SEPTIN8: variants seen among roughly 807,000 people sequenced by gnomAD.
The protein encoded by SEPTIN8 is septin 8.
Under a neutral mutation model 53.1 loss-of-function variants are expected in SEPTIN8, and 22 were observed. The observed-to-expected ratio is 0.41, with a 90% CI of 0.30 to 0.59. The LOEUF is 0.59. Among genes scored for constraint, SEPTIN8 ranks in the 20% least tolerant of loss-of-function variants. SEPTIN8 has a pLI of 0.24. For synonymous variants in SEPTIN8, 228 were observed against 248.4 expected (o/e 0.92, Z 0.77); for missense variants, 536 against 638.7 (o/e 0.84, Z 1.73).
Position 132,761,575 on chromosome 5 carries a change from C to T in SEPTIN8, c.845G>A (p.Arg282Gln), listed in dbSNP as rs538844311. Residue 282 changes from arginine (R) to glutamine (Q), a missense_variant, in exon 7 of 10, where the codon CGG (arginine) becomes CAG (glutamine). By Grantham distance (43) the Arg-to-Gln change is conservative (BLOSUM62 1). Coordinates refer to ENST00000378719, the MANE Select transcript of SEPTIN8 (RefSeq NM_001098811.2). The surrounding 1 kb of genome is among the most constrained non-coding windows in gnomAD (Gnocchi z 5.8). ...CTCGCGGAGGTCTTCCATGTTCACC[C>T]GGATCAACATCTCCCGCAGCTTCAC... ...DFVKLREMLI[R>Q]VNMEDLREQT... 4.3e-6 allele frequency: 7 copies of T among 1,614,012 alleles called. No individual in the cohort carries two copies. Among genetic ancestry groups the T allele is most frequent in the Admixed American group, 1.7e-5 (1 of 60,012 alleles).
chr5:132,769,729 AC>A, intron 1 of SEPTIN8, among the ~76,000 whole-genome samples: 1 of 151,892 alleles, frequency 6.6e-6, no homozygotes, highest in Admixed American at 6.6e-5. Flanking sequence ...CTGAATGGAG[AC>A]AACATGACTG....
At chr5:132,758,411 G>C (rs73787063) in intron 9 of SEPTIN8, 2 of 1,542,896 alleles carry the variant, frequency 1.3e-6, no homozygotes, top group Admixed American at 4.0e-5. Flanking sequence ...ACCAGACCAC[G>C]CAGCTGCACC....
intron 1 of SEPTIN8, among the ~76,000 whole-genome samples, chr5:132,766,720 A>T (rs1380009012): frequency 6.6e-6 from 1 of 152,156 alleles, no homozygotes; most frequent in Non-Finnish European, 1.5e-5. Context: ...ACAGCCCAGG[A>T]GATAGGGCCA....
chr5:132,755,432 T>C (rs777622162), intron 9 of SEPTIN8, among the ~76,000 whole-genome samples: 24 of 152,296 alleles, frequency 1.6e-4, no homozygotes, highest in Non-Finnish European at 3.4e-4. Flanking sequence ...TCCATTGAGA[T>C]GCCAAGGAGC....
chr5:132,766,090 C>T (rs1235180755), intron 1 of SEPTIN8, among the ~76,000 whole-genome samples: 1 of 152,244 alleles, frequency 6.6e-6, no homozygotes, highest in African/African-American at 2.4e-5. Context: ...TCCATGTTCA[C>T]CCCTGCTCCT....
chr5:132,764,091 A>T (rs960363032), intron 3 of SEPTIN8, 133 bp downstream of exon 3: 4 of 1,036,072 alleles, frequency 3.9e-6, no homozygotes, highest in Non-Finnish European at 5.5e-6. Flanking sequence ...TCTGTTGGTG[A>T]CCACAGAGCC....
intron 1 of SEPTIN8, among the ~76,000 whole-genome samples, chr5:132,774,484 G>A (rs1323885208): frequency 4.6e-5 from 7 of 152,168 alleles, no homozygotes; most frequent in African/African-American, 1.7e-4. Context: ...CCCGAGGAAG[G>A]CAAGAGGCAA....
chr5:132,776,988 C>T lies in SEPTIN8; in HGVS notation c.30+120G>A, dbSNP rs1757864454. 3.6e-6 allele frequency: 2 copies of T among 555,462 alleles called. No homozygotes were observed. The highest frequency in any genetic ancestry group is 4.9e-6 in the Non-Finnish European group (2 of 404,726). The allele number at this position is 555,462 out of a possible 1,614,324, so 34.4% of individuals were successfully genotyped here. A position where few individuals can be genotyped will look rare whatever the true frequency, so the allele number is the denominator to read the frequency against. On this transcript the variant is annotated intron_variant, in intron 1 of 9. Transcript: ENST00000378719. This position sits in a 1 kb window ranked among gnomAD's most constrained non-coding sequence, Gnocchi z 4.4. The stretch of plus-strand genomic sequence containing the variant: ...CCGCGCCGGGGTCCTCGAGCTGGCC[C>T]GGTGTCGAGGCCCGGCCGTGAGGCG...
intron 1 of SEPTIN8, among the ~76,000 whole-genome samples, chr5:132,769,998 TATATATATATATATATATATATATAC>T (rs1284805009): frequency 0.015 from 701 of 46,778 alleles, 14 homozygotes; most frequent in African/African-American, 0.055. Context: ...TATATATATA[TATATATATATATATATATATATATAC>T]ACACACATAT....
upstream of SEPTIN8, among the ~76,000 whole-genome samples, chr5:132,779,293 GT>G (rs1757999465): frequency 6.6e-6 from 1 of 152,196 alleles, no homozygotes; most frequent in African/African-American, 2.4e-5. Context: ...ATTTCTGAGT[GT>G]TTCGTATACA....
chr5:132,770,303 C>G lies in SEPTIN8; in HGVS notation c.31-4774G>C, dbSNP rs189360290. Among the ~76,000 whole-genome samples the G allele has an allele frequency of 5.7e-3, 856 of 151,240 alleles. 15 individuals are homozygous for G. Among genetic ancestry groups the G allele is most frequent in the African/African-American group, 0.02 (809 of 41,174 alleles). ...AAGCAATTCTCATGCCTCAGACTCC[C>G]CAGTAGCTGGGATTACAGGCACGCA... is the stretch of plus-strand genomic sequence containing the variant. On this transcript the variant is annotated intron_variant, in intron 1 of 9. Transcript: ENST00000378719.
intron 9 of SEPTIN8, chr5:132,757,589 T>C: frequency 1.0e-6 from 1 of 985,252 alleles, no homozygotes; most frequent in Non-Finnish European, 1.2e-6. Context: ...GAGGGGAGCG[T>C]TGTGCATTCC....
chr5:132,774,294 C>T (rs1757592251), intron 1 of SEPTIN8: 1 of 164,928 alleles, frequency 6.1e-6, no homozygotes, highest in Admixed American at 6.5e-5. Flanking sequence ...GTTTCTTCCT[C>T]TCCCCCTCAG....
rs960851640 is a variant in SEPTIN8 at position 132,756,337 on chromosome 5, A to G, written c.1287-4156T>C. On this transcript the variant is annotated intron_variant, in intron 9 of 9. Coordinates refer to ENST00000378719, the MANE Select transcript of SEPTIN8 (RefSeq NM_001098811.2). Reference sequence around the variant, plus strand: ...TATGCCTTTTGATCTGGTGTAATTAATAGCATCCCCTTTCTCTCTCAATAG... The same window carrying G: ...TATGCCTTTTGATCTGGTGTAATTAGTAGCATCCCCTTTCTCTCTCAATAG... The G allele has an allele frequency of 6.1e-6, 6 of 980,340 alleles. No individual in the cohort carries two copies. The African/African-American group carries it at 7.0e-5, about 11-fold the overall frequency. 60.7% of individuals were successfully genotyped at this position (980,340 alleles called of 1,614,324 possible).
intron 1 of SEPTIN8, among the ~76,000 whole-genome samples, chr5:132,771,783 T>C (rs1295372853): frequency 6.6e-6 from 1 of 151,640 alleles, no homozygotes; most frequent in Non-Finnish European, 1.5e-5. Flanking sequence ...TCCTAGGAAT[T>C]TTCCCAGGAA....
chr5:132,766,185 G>A (rs530041899), intron 1 of SEPTIN8, among the ~76,000 whole-genome samples: 2 of 152,234 alleles, frequency 1.3e-5, no homozygotes, highest in Non-Finnish European at 2.9e-5. Flanking sequence ...GGGCTCAGGG[G>A]TGGGTTTCAA....
In SEPTIN8 at chr5:132,760,268, C is replaced by T. The variant is rs760604835; in HGVS notation, c.1286+534G>A. On this transcript the variant is annotated intron_variant, in intron 9 of 9. Coordinates refer to ENST00000378719, the MANE Select transcript of SEPTIN8 (RefSeq NM_001098811.2). The surrounding 1 kb of genome is among the most constrained non-coding windows in gnomAD (Gnocchi z 5.2). ...GAGGGATGCGCCACAGGTGTCCAAG[C>T]AGAAACCACCACGGCTTTTGGAATC... Among the ~76,000 whole-genome samples the T allele has an allele frequency of 6.6e-6, 1 of 152,044 alleles. No homozygotes were observed. Among genetic ancestry groups the T allele is most frequent in the Non-Finnish European group, 1.5e-5 (1 of 68,028 alleles).
chr5:132,772,474 ATT>A (rs1000753633), intron 1 of SEPTIN8, among the ~76,000 whole-genome samples: 7 of 152,038 alleles, frequency 4.6e-5, no homozygotes, highest in African/African-American at 7.3e-5. Context: ...AGGCATTCAT[ATT>A]TTCTTACTTA....
intron 3 of SEPTIN8, 159 bp from the exon 4 acceptor site, chr5:132,764,051 CCTT>C: frequency 1.1e-6 from 1 of 950,150 alleles, no homozygotes; most frequent in South Asian, 1.7e-5. Flanking sequence ...GCAGCTGACC[CCTT>C]CTCCAGACAC....
Sources: gnomAD v4.1 joint callset for allele counts (sites outside exome capture counted in the v4.1 genomes callset) on GRCh38, gnomAD v4.1.1 for gene constraint, Gnocchi (gnomAD v3.1) non-coding constraint, MANE v1.5 for transcripts, NCBI Gene and HGNC (gene_info 2026-07-23, HGNC 2026-07-21) for gene names.